Variants in FOXP1 observed in about 807,000 individuals in gnomAD.
FOXP1 encodes the protein forkhead box protein P1.
FOXP1 carries 15 observed loss-of-function variants against 98.2 expected under a neutral mutation model. The observed-to-expected ratio is 0.15, with a 90% CI of 0.10 to 0.24. The LOEUF (loss-of-function observed/expected upper bound fraction) is 0.24. FOXP1 is among the 10% of genes least tolerant of loss of function. The probability of loss-of-function intolerance (pLI) is 1.00; values close to 1 mark genes in which losing one functional copy is unlikely to be tolerated. For synonymous variants in FOXP1, 371 were observed against 314.5 expected (o/e 1.18, Z -1.90); for missense variants, 633 against 848.5 (o/e 0.75, Z 3.15).
chr3:71,421,908 G>T (rs2083683016), intron 3 of FOXP1, among the ~76,000 whole-genome samples: 1 of 152,234 alleles, frequency 6.6e-6, no homozygotes, highest in Non-Finnish European at 1.5e-5. Context: ...CATGTGAAAA[G>T]CTCAGAAGGC....
At chr3:71,557,772 C>G (rs1432980212) in intron 2 of FOXP1, among the ~76,000 whole-genome samples, 3 of 152,214 alleles carry the variant, frequency 2.0e-5, no homozygotes, top group Non-Finnish European at 4.4e-5. Flanking sequence ...GCCCATGCTT[C>G]CCCACCCACA....
intron 12 of FOXP1, among the ~76,000 whole-genome samples, chr3:71,007,630 TC>T (rs1249629545): frequency 2.0e-5 from 3 of 152,176 alleles, no homozygotes; most frequent in African/African-American, 7.2e-5. Flanking sequence ...GTCGAGGCTT[TC>T]TTGAAGTGTT....
chr3:71,158,202 A>G lies in FOXP1; in HGVS notation c.180+40000T>C, dbSNP rs1050773506. ...GAGGGAAGGAGGGAGGGAAAGAAAGAAAGGGAAAGAAAGAAAAAAGAAAGA... is the reference window on the plus strand; with the variant it reads ...GAGGGAAGGAGGGAGGGAAAGAAAGGAAGGGAAAGAAAGAAAAAAGAAAGA... On this transcript the variant is annotated intron_variant, in intron 6 of 20. Coordinates refer to ENST00000649528, the MANE Select transcript of FOXP1 (RefSeq NM_001349338.3). 4.0e-5 allele frequency among the ~76,000 whole-genome samples: 6 copies of G among 150,444 alleles called. No individual in the cohort carries two copies. In the South Asian group the frequency reaches 1.3e-3, roughly 32 times the overall value.
intron 2 of FOXP1, among the ~76,000 whole-genome samples, chr3:71,522,055 A>G (rs1304597765): frequency 6.6e-6 from 1 of 152,194 alleles, no homozygotes; most frequent in Non-Finnish European, 1.5e-5. Context: ...AGGGTAGATA[A>G]CAAAACCAAA....
intron 7 of FOXP1, among the ~76,000 whole-genome samples, chr3:71,084,016 C>A (rs575908350): frequency 1.3e-5 from 2 of 152,282 alleles, no homozygotes; most frequent in South Asian, 4.1e-4. Context: ...AGTTGCAAAT[C>A]TTGGTTCATC....
At chr3:71,496,862 T>C (rs559314480) in intron 2 of FOXP1, among the ~76,000 whole-genome samples, 2 of 152,072 alleles carry the variant, frequency 1.3e-5, no homozygotes, top group Admixed American at 6.5e-5. Context: ...CAATGCTCTA[T>C]GTGTATGGTC....
intron 5 of FOXP1, among the ~76,000 whole-genome samples, chr3:71,263,247 A>G (rs577394894): frequency 6.6e-6 from 1 of 152,292 alleles, no homozygotes; most frequent in African/African-American, 2.4e-5. Flanking sequence ...CGTCCTGTGG[A>G]ATACCTACTG....
chr3:71,182,670 C>T (rs1007549919), intron 6 of FOXP1, among the ~76,000 whole-genome samples: 1 of 151,762 alleles, frequency 6.6e-6, no homozygotes, highest in Non-Finnish European at 1.5e-5. Context: ...GCTGGGACTA[C>T]AGGCAAGTGC....
intron 5 of FOXP1, among the ~76,000 whole-genome samples, chr3:71,218,138 G>A (rs1310153827): frequency 1.3e-5 from 2 of 152,184 alleles, no homozygotes; most frequent in African/African-American, 2.4e-5. Flanking sequence ...GTGTGTTCAC[G>A]TCTCCTTAAA....
chr3:71,181,361 T>C (rs1264035437), intron 6 of FOXP1, among the ~76,000 whole-genome samples: 2 of 152,212 alleles, frequency 1.3e-5, no homozygotes, highest in East Asian at 1.9e-4. Flanking sequence ...GGGTTGGCTA[T>C]TGTGCCAAGG....
At chr3:71,537,981 G>A (rs2044444715) in intron 2 of FOXP1, among the ~76,000 whole-genome samples, 1 of 152,178 alleles carries the variant, frequency 6.6e-6, no homozygotes, top group African/African-American at 2.4e-5. Flanking sequence ...ATTGTCTATG[G>A]CTGCTTTTGC....
intron 11 of FOXP1, among the ~76,000 whole-genome samples, chr3:71,038,129 T>C (rs540868872): frequency 9.3e-4 from 141 of 151,764 alleles, no homozygotes; most frequent in Middle Eastern, 3.4e-3. Context: ...GGGGCAAGAG[T>C]GGGGGAGAAG....
intron 6 of FOXP1, among the ~76,000 whole-genome samples, chr3:71,117,631 GA>G (rs1354167861): frequency 5.3e-5 from 8 of 152,120 alleles, no homozygotes; most frequent in African/African-American, 1.9e-4. Context: ...ATGAATAAAT[GA>G]AAGAATTTCT....
At chr3:71,248,983 G>A (rs922102729) in intron 5 of FOXP1, among the ~76,000 whole-genome samples, 17 of 152,140 alleles carry the variant, frequency 1.1e-4, no homozygotes, top group African/African-American at 3.6e-4. Context: ...ATTGAAACAA[G>A]GCCAACACAA....
intron 12 of FOXP1, among the ~76,000 whole-genome samples, chr3:71,010,416 C>T (rs2043417804): frequency 6.6e-6 from 1 of 152,084 alleles, no homozygotes; most frequent in African/African-American, 2.4e-5. Context: ...GGGAATACTA[C>T]TACAATACTA....
intron 5 of FOXP1, among the ~76,000 whole-genome samples, chr3:71,227,380 A>C (rs2065923261): frequency 6.6e-6 from 1 of 152,156 alleles, no homozygotes; most frequent in African/African-American, 2.4e-5. Flanking sequence ...ACACTTGTCA[A>C]AACAAATTGA....
intron 3 of FOXP1, among the ~76,000 whole-genome samples, chr3:71,413,648 A>T (rs1577374240): frequency 6.6e-6 from 1 of 152,090 alleles, no homozygotes; most frequent in Non-Finnish European, 1.5e-5. Context: ...ATCTTTGTTC[A>T]TCTATTTTGG....
intron 11 of FOXP1, among the ~76,000 whole-genome samples, chr3:71,020,723 G>A (rs1401609944): frequency 6.6e-6 from 1 of 152,148 alleles, no homozygotes; most frequent in Non-Finnish European, 1.5e-5. Context: ...CAGATTCCGA[G>A]CTTTTCCTGT....
At chr3:71,100,816 G>A (rs1348456371) in intron 7 of FOXP1, among the ~76,000 whole-genome samples, 1 of 152,144 alleles carries the variant, frequency 6.6e-6, no homozygotes, top group East Asian at 1.9e-4. Context: ...CCAGTCAGAA[G>A]GCTATAAACT....
Sources: gnomAD v4.1 joint callset for allele counts (sites outside exome capture counted in the v4.1 genomes callset) on GRCh38, gnomAD v4.1.1 for gene constraint, MANE v1.5 for transcripts, NCBI Gene and HGNC (gene_info 2026-07-23, HGNC 2026-07-21) for gene names.